The following GPR61 variants were observed in gnomAD, a reference collection of about 807,000 sequenced individuals.
The protein encoded by GPR61 is G protein-coupled receptor 61.
A neutral mutation model predicts 29.2 loss-of-function variants in GPR61; 15 were observed. The observed-to-expected ratio is 0.51, with a 90% CI of 0.34 to 0.79. The LOEUF (loss-of-function observed/expected upper bound fraction) is 0.79, where lower values mean the gene tolerates loss of function less well. GPR61 is among the 30% of genes least tolerant of loss of function. The pLI, the probability that GPR61 is intolerant of heterozygous loss-of-function variation, is 0.01. For missense variants in GPR61, 399 were observed against 582.5 expected (o/e 0.69, Z 3.24); for synonymous variants, 238 against 242.3 (o/e 0.98, Z 0.17).
Position 109,542,633 on chromosome 1 carries a change from A to G in GPR61, c.-390A>G. The G allele has an allele frequency of 2.2e-6, 1 of 457,932 alleles. No homozygotes were observed. Among genetic ancestry groups the G allele is most frequent in the South Asian group, 1.6e-5 (1 of 64,508 alleles). 28.4% of individuals were successfully genotyped at this position (457,932 alleles called of 1,614,324 possible). A position where few individuals can be genotyped will look rare whatever the true frequency, so the allele number is the denominator to read the frequency against. The stretch of plus-strand genomic sequence containing the variant: ...ACCCTGGGAAGGAGAAACAGGATTT[A>G]GAATCCCCGGCTAACAGTTCTGGAA... On this transcript the variant is annotated 5_prime_UTR_variant, in exon 2 of 2. Transcript: ENST00000527748.
chr1:109,542,021 T>C (rs1647656818), intron 1 of GPR61, among the ~76,000 whole-genome samples: 1 of 152,138 alleles, frequency 6.6e-6, no homozygotes, highest in Non-Finnish European at 1.5e-5. Context: ...ACAGCTGAAA[T>C]TCAACAACTA....
Position 109,543,440 on chromosome 1 carries a change from C to T in GPR61, c.418C>T (p.Arg140Cys), listed in dbSNP as rs1437368510. The change falls in exon 2 of 2, where the codon CGC becomes TGC. Residue 140 changes from arginine to cysteine, a missense_variant. Arg to Cys is a radical substitution (Grantham distance 180). Around this residue, in one of 3 missense-constraint regions of GPR61, gnomAD observed 320 missense variants for 459.8 expected, o/e 0.70. Coordinates refer to ENST00000527748, the MANE Select transcript of GPR61 (RefSeq NM_001393907.1). This position sits in a 1 kb window ranked among gnomAD's most constrained non-coding sequence, Gnocchi z 6.8. ...ILSVSAINVERYYYVVHPMRY... is the reference protein window; with the variant it reads ...ILSVSAINVECYYYVVHPMRY... Reference sequence around the variant, plus strand: ...CTCGGTGTCAGCCATCAATGTGGAGCGCTACTATTACGTAGTCCACCCCAT... The same window carrying T: ...CTCGGTGTCAGCCATCAATGTGGAGTGCTACTATTACGTAGTCCACCCCAT... 13 of 1,612,060 alleles carry T rather than the reference C, an allele frequency of 8.1e-6. No homozygotes were observed. The highest frequency in any genetic ancestry group is 5.4e-5 in the African/African-American group (4 of 74,578).
chr1:109,543,057 AC>A lies in GPR61; in HGVS notation c.36del (p.Ser13LeufsTer42). 1 of 1,549,554 alleles carries A rather than the reference AC, an allele frequency of 6.5e-7. No homozygotes were observed. The highest frequency in any genetic ancestry group is 8.7e-7 in the Non-Finnish European group (1 of 1,146,634). On this transcript the variant is annotated frameshift_variant, in exon 2 of 2. Transcript: ENST00000527748. LOFTEE classifies it high-confidence loss of function. The surrounding 1 kb of genome is among the most constrained non-coding windows in gnomAD (Gnocchi z 6.8). ...TCACCCATCCCCCAGTCATCAGGGA[AC>A]TCTTCCACTTTGGGGAGGGTCCCTC... ...ESSPIPQSSG[N>X]SSTLGRVPQT...
chr1:109,541,211 T>C (rs1325063040), intron 1 of GPR61, among the ~76,000 whole-genome samples: 1 of 152,178 alleles, frequency 6.6e-6, no homozygotes, highest in East Asian at 1.9e-4. Flanking sequence ...ATCTTAACTG[T>C]GAAATGAGCT....
In GPR61 at chr1:109,543,866, G is replaced by A; in HGVS notation, c.844G>A (p.Gly282Arg). ...PQTTPHRTFG[G>R]GKAAVVLLAV... ...GACCACCCCACACCGGACGTTTGGG[G>A]GAGGGAAAGCAGCAGTGGTTCTCCT... The change falls in exon 2 of 2, where the codon GGA (glycine) becomes AGA (arginine). Residue 282 changes from glycine (G) to arginine (R), a missense_variant. Around this residue, in one of 3 missense-constraint regions of GPR61, gnomAD observed 320 missense variants for 459.8 expected, o/e 0.70. Coordinates refer to ENST00000527748, the MANE Select transcript of GPR61 (RefSeq NM_001393907.1). The surrounding 1 kb of genome is among the most constrained non-coding windows in gnomAD (Gnocchi z 6.8). 6.2e-7 allele frequency: 1 copy of A among 1,613,334 alleles called. No homozygotes were observed. Among genetic ancestry groups the A allele is most frequent in the Non-Finnish European group, 8.5e-7 (1 of 1,180,046 alleles).
At chr1:109,540,770 G>A (rs922427371) in intron 1 of GPR61, among the ~76,000 whole-genome samples, 4 of 152,236 alleles carry the variant, frequency 2.6e-5, no homozygotes, top group African/African-American at 9.6e-5. Context: ...ACACTGATCT[G>A]TCTGTTAAGA....
chr1:109,540,795 C>G (rs1305055654), intron 1 of GPR61, among the ~76,000 whole-genome samples: 1 of 152,202 alleles, frequency 6.6e-6, no homozygotes, highest in Non-Finnish European at 1.5e-5. Flanking sequence ...AATTGGAATC[C>G]TGGCATTTAG....
Position 109,543,764 on chromosome 1 carries a change from T to C in GPR61, c.742T>C (p.Trp248Arg), listed in dbSNP as rs766364885. ...CATGCAGCACGGGCCGCTGCCCACG[T>C]GGATGGAGACACCCCGGCAACGCTC... ...AAMQHGPLPT[W>R]METPRQRSES... The change falls in exon 2 of 2, where the codon TGG becomes CGG. Residue 248 changes from tryptophan (W) to arginine (R), a missense_variant. Coordinates refer to ENST00000527748, the MANE Select transcript of GPR61 (RefSeq NM_001393907.1). This position sits in a 1 kb window ranked among gnomAD's most constrained non-coding sequence, Gnocchi z 6.8. 1.9e-6 allele frequency: 3 copies of C among 1,613,288 alleles called. No homozygotes were observed. Among genetic ancestry groups the C allele is most frequent in the Non-Finnish European group, 8.5e-7 (1 of 1,180,038 alleles).
rs1395537909 is a variant in GPR61 at position 109,542,423 on chromosome 1, T to C, written c.-600T>C. ...AGTGTTCTTCCTTTCATTTTACAGATGGATTTATGAGGAAACTGAAATTCA... is the reference window on the plus strand; with the variant it reads ...AGTGTTCTTCCTTTCATTTTACAGACGGATTTATGAGGAAACTGAAATTCA... On this transcript the variant is annotated splice_region_variant and 5_prime_UTR_variant, in exon 2 of 2. It removes an upstream start codon present in the reference 5' UTR. Coordinates refer to ENST00000527748, the MANE Select transcript of GPR61 (RefSeq NM_001393907.1). 1 of 294,862 alleles carries C rather than the reference T, an allele frequency of 3.4e-6. No homozygotes were observed. The highest frequency in any genetic ancestry group is 2.2e-5 in the African/African-American group (1 of 46,176). 18.3% of individuals were successfully genotyped at this position (294,862 alleles called of 1,614,324 possible). A position where few individuals can be genotyped will look rare whatever the true frequency, so the allele number is the denominator to read the frequency against.
In GPR61 at chr1:109,543,145, G is replaced by A. The variant is rs141207017; in HGVS notation, c.123G>A (p.Ser41=). 1.0e-3 allele frequency: 1,666 copies of A among 1,606,208 alleles called. 14 individuals are homozygous for A. The African/African-American group carries it at 0.019, about 18-fold the overall frequency. Residue 41 remains serine (S), a synonymous_variant, in exon 2 of 2, where the codon TCG becomes TCA. Transcript: ENST00000527748. The surrounding 1 kb of genome is among the most constrained non-coding windows in gnomAD (Gnocchi z 6.8). ...VPEVGLRDVA[S]ESVALFFMLL... Reference sequence around the variant, plus strand: ...AGGTGGGGCTACGGGATGTTGCTTCGGAATCTGTGGCCCTCTTCTTCATGC... The same window carrying A: ...AGGTGGGGCTACGGGATGTTGCTTCAGAATCTGTGGCCCTCTTCTTCATGC...
rs753062500 is a variant in GPR61 at position 109,542,918 on chromosome 1, C to A, written c.-105C>A. 3.9e-5 allele frequency: 59 copies of A among 1,509,618 alleles called. No individual in the cohort carries two copies. The highest frequency in any genetic ancestry group is 1.7e-4 in the Middle Eastern group (1 of 5,932). The allele number at this position is 1,509,618 out of a possible 1,614,324, so 93.5% of individuals were successfully genotyped here. A position where few individuals can be genotyped will look rare whatever the true frequency, so the allele number is the denominator to read the frequency against. On this transcript the variant is annotated 5_prime_UTR_variant, in exon 2 of 2. Transcript: ENST00000527748. ...AGGCTCCAGTGGGAGGTGCCCCCTA[C>A]GAAACCAGGAAGCCTGGGCCTGGGC...
Position 109,542,753 on chromosome 1 carries a change from G to T in GPR61, c.-270G>T, listed in dbSNP as rs958259130. On this transcript the variant is annotated 5_prime_UTR_variant, in exon 2 of 2. Coordinates refer to ENST00000527748, the MANE Select transcript of GPR61 (RefSeq NM_001393907.1). ...GAAAGCGGAGTGTTGAGTGGGTCAG[G>T]CTCCTGCACCTCTCACGTCTCCTGC... The T allele has an allele frequency of 3.0e-6, 2 of 658,724 alleles. No individual in the cohort carries two copies. The highest frequency in any genetic ancestry group is 2.1e-5 in the Admixed American group (1 of 48,662). 40.8% of individuals were successfully genotyped at this position (658,724 alleles called of 1,614,324 possible).
rs1647677168 is a variant in GPR61 at position 109,542,930 on chromosome 1, G to A, written c.-93G>A. 5.9e-6 allele frequency: 9 copies of A among 1,526,812 alleles called. No individual in the cohort carries two copies. Among genetic ancestry groups the A allele is most frequent in the Non-Finnish European group, 1.8e-6 (2 of 1,127,040 alleles). 94.6% of individuals were successfully genotyped at this position (1,526,812 alleles called of 1,614,324 possible). On this transcript the variant is annotated 5_prime_UTR_variant, in exon 2 of 2. Transcript: ENST00000527748. ...GAGGTGCCCCCTACGAAACCAGGAAGCCTGGGCCTGGGCTCGCCATCCCAG... is the reference window on the plus strand; with the variant it reads ...GAGGTGCCCCCTACGAAACCAGGAAACCTGGGCCTGGGCTCGCCATCCCAG...
At chr1:109,541,666 C>T (rs1403000863) in intron 1 of GPR61, among the ~76,000 whole-genome samples, 1 of 152,196 alleles carries the variant, frequency 6.6e-6, no homozygotes, top group African/African-American at 2.4e-5. Context: ...GGCTCTTGGT[C>T]AGGGATCCTC....
chr1:109,543,208 T>C lies in GPR61; in HGVS notation c.186T>C (p.Ala62=). The C allele has an allele frequency of 2.5e-6, 4 of 1,614,136 alleles. No homozygotes were observed. The highest frequency in any genetic ancestry group is 3.4e-6 in the Non-Finnish European group (4 of 1,180,000). ...TGACTGCTGTGGCTGGCAATGCCGC[T>C]GTGATGGCCGTGATCGCCAAGACGC... ...LDLTAVAGNA[A]VMAVIAKTPA... Residue 62 remains alanine (A), a synonymous_variant, in exon 2 of 2, where the codon GCT becomes GCC. Coordinates refer to ENST00000527748, the MANE Select transcript of GPR61 (RefSeq NM_001393907.1). This position sits in a 1 kb window ranked among gnomAD's most constrained non-coding sequence, Gnocchi z 6.8.
rs1647780774 is a variant in GPR61, at chr1:109,545,772, G to C, written c.*1394G>C. 1 of 152,328 alleles carries C rather than the reference G, an allele frequency of 6.6e-6. No individual in the cohort carries two copies. The highest frequency in any genetic ancestry group is 2.1e-4 in the South Asian group (1 of 4,830). The allele number at this position is 152,328 out of a possible 1,614,324, so 9.4% of individuals were successfully genotyped here. A position where few individuals can be genotyped will look rare whatever the true frequency, so the allele number is the denominator to read the frequency against. On this transcript the variant is annotated 3_prime_UTR_variant, in exon 2 of 2. Coordinates refer to ENST00000527748, the MANE Select transcript of GPR61 (RefSeq NM_001393907.1). Reference sequence around the variant, plus strand: ...CACTGAGCATCAAAAGGGGAAATGGGCTGGTGGGAGTGGGATAGTCTCCCA... The same window carrying C: ...CACTGAGCATCAAAAGGGGAAATGGCCTGGTGGGAGTGGGATAGTCTCCCA...
At chr1:109,542,368 C>T (rs575965812) in intron 1 of GPR61, 54 bp from the exon 2 acceptor site, 16 of 281,544 alleles carry the variant, frequency 5.7e-5, no homozygotes, top group South Asian at 2.2e-4. Flanking sequence ...TAACAAATCA[C>T]GCAGGATCCA....
chr1:109,544,109 G>A lies in GPR61; in HGVS notation c.1087G>A (p.Ala363Thr). 6.2e-7 allele frequency: 1 copy of A among 1,614,226 alleles called. No homozygotes were observed. The highest frequency in any genetic ancestry group is 8.5e-7 in the Non-Finnish European group (1 of 1,180,048). Residue 363 changes from alanine (A) to threonine (T), a missense_variant, in exon 2 of 2, where the codon GCT (alanine) becomes ACT (threonine). This residue lies in a region of GPR61 where 320 missense variants were observed against 459.8 expected (regional missense o/e 0.70). Transcript: ENST00000527748. The surrounding 1 kb of genome is among the most constrained non-coding windows in gnomAD (Gnocchi z 4.6). ...SKQFVCFFKP[A>T]PEEELRLPSR... ...GCAGTTTGTCTGCTTCTTCAAGCCA[G>A]CTCCAGAGGAGGAGCTGAGGCTGCC...
rs962063687 is a variant in GPR61, at chr1:109,546,162, T to A, written c.*1784T>A. The A allele has an allele frequency of 2.0e-5, 3 of 152,138 alleles. No homozygotes were observed. The highest frequency in any genetic ancestry group is 7.2e-5 in the African/African-American group (3 of 41,440). The allele number at this position is 152,138 out of a possible 1,614,324, so 9.4% of individuals were successfully genotyped here. A position where few individuals can be genotyped will look rare whatever the true frequency, so the allele number is the denominator to read the frequency against. The stretch of plus-strand genomic sequence containing the variant: ...AAACTCTCTAATGAAGAAAAAAAAT[T>A]AAATGAAACTGGGCAAACAGCTTTC... On this transcript the variant is annotated 3_prime_UTR_variant, in exon 2 of 2. Transcript: ENST00000527748.
Sources: gnomAD v4.1 joint callset for allele counts (sites outside exome capture counted in the v4.1 genomes callset) on GRCh38, gnomAD v4.1.1 for gene constraint, gnomAD v4.1.1 regional missense constraint, Gnocchi (gnomAD v3.1) non-coding constraint, MANE v1.5 for transcripts, NCBI Gene and HGNC (gene_info 2026-07-23, HGNC 2026-07-21) for gene names.